OSBPL10: variants seen among roughly 807,000 people sequenced by gnomAD.
OSBPL10 encodes the protein oxysterol binding protein like 10.
In OSBPL10, 49 loss-of-function variants were observed where a neutral mutation model predicts 81.7. The ratio of observed to expected loss-of-function variants is 0.60; its 90% confidence interval spans 0.48 to 0.76. The LOEUF is 0.76. Among genes scored for constraint, OSBPL10 ranks in the 30% least tolerant of loss-of-function variants. The probability of loss-of-function intolerance (pLI) is 0.00; values close to 1 mark genes in which losing one functional copy is unlikely to be tolerated. For missense variants in OSBPL10, 923 were observed against 987.8 expected (o/e 0.93, Z 0.88); for synonymous variants, 419 against 383.6 (o/e 1.09, Z -1.08).
intron 3 of OSBPL10, among the ~76,000 whole-genome samples, chr3:31,836,453 C>A (rs1211320199): frequency 6.6e-6 from 1 of 152,172 alleles, no homozygotes. Flanking sequence ...TCATTTCCTG[C>A]AAATAGTGGG....
At chr3:31,836,976 T>C (rs538389709) in intron 3 of OSBPL10, among the ~76,000 whole-genome samples, 1 of 152,302 alleles carries the variant, frequency 6.6e-6, no homozygotes, top group African/African-American at 2.4e-5. Flanking sequence ...TTTCCTTTTA[T>C]AGATCTAAAG....
intron 10 of OSBPL10, among the ~76,000 whole-genome samples, chr3:31,666,366 A>G (rs1700190979): frequency 6.6e-6 from 1 of 152,206 alleles, no homozygotes; most frequent in South Asian, 2.1e-4. Flanking sequence ...CCTTCCAGGA[A>G]TTCTAGTTGG....
At chr3:31,869,595 A>G (rs1382406185) in intron 3 of OSBPL10, among the ~76,000 whole-genome samples, 2 of 152,198 alleles carry the variant, frequency 1.3e-5, no homozygotes, top group African/African-American at 2.4e-5. Flanking sequence ...TCTGCAATAT[A>G]TGAAAATATG....
intron 3 of OSBPL10, among the ~76,000 whole-genome samples, chr3:31,837,996 A>AT: frequency 6.6e-6 from 1 of 152,154 alleles, no homozygotes; most frequent in Non-Finnish European, 1.5e-5. Context: ...TTCCGGCAGG[A>AT]TTTTTTGAGC....
chr3:32,075,105 A>G (rs1295534956), intron 1 of OSBPL10, among the ~76,000 whole-genome samples: 1 of 151,994 alleles, frequency 6.6e-6, no homozygotes, highest in East Asian at 1.9e-4. Context: ...AGGCATTTCA[A>G]CCTCTGTCAC....
At chr3:31,905,391 C>A (rs749804546) in intron 1 of OSBPL10, among the ~76,000 whole-genome samples, 1 of 134,192 alleles carries the variant, frequency 7.5e-6, no homozygotes, top group Non-Finnish European at 1.5e-5. Flanking sequence ...GTTCTGTCAC[C>A]CAGGCTGGAG....
At chr3:31,709,114 T>TCCAG in intron 6 of OSBPL10, 1 of 859,812 alleles carries the variant, frequency 1.2e-6, no homozygotes, top group Non-Finnish European at 1.4e-6. Flanking sequence ...AGAAGCTGGA[T>TCCAG]CTTATCCTTG....
At chr3:31,859,692 A>G (rs1252130362) in intron 3 of OSBPL10, among the ~76,000 whole-genome samples, 1 of 152,214 alleles carries the variant, frequency 6.6e-6, no homozygotes, top group East Asian at 1.9e-4. Flanking sequence ...GAACATCACT[A>G]ACGTCATCAT....
chr3:31,744,253 T>G (rs1697448156), intron 5 of OSBPL10, among the ~76,000 whole-genome samples: 1 of 151,810 alleles, frequency 6.6e-6, no homozygotes, highest in African/African-American at 2.4e-5. Context: ...AGAAGGAGAG[T>G]GAGCTAGCCA....
chr3:32,046,472 T>C (rs1015184220), intron 2 of OSBPL10: 2 of 152,202 alleles, frequency 1.3e-5, no homozygotes, highest in African/African-American at 4.8e-5. Context: ...AATCCACTTA[T>C]ATAAATATAA....
chr3:31,852,870 C>T (rs1490882010), intron 3 of OSBPL10, among the ~76,000 whole-genome samples: 4 of 152,068 alleles, frequency 2.6e-5, no homozygotes, highest in African/African-American at 7.2e-5. Context: ...TGAGCCACCA[C>T]GCCTGGCTAT....
chr3:31,943,015 C>A (rs1168119679), intron 1 of OSBPL10, among the ~76,000 whole-genome samples: 1 of 152,212 alleles, frequency 6.6e-6, no homozygotes, highest in Non-Finnish European at 1.5e-5. Flanking sequence ...CCATTCCAAT[C>A]TTTCCTCAGC....
At chr3:31,670,641 T>C (rs1481211996) in intron 9 of OSBPL10, among the ~76,000 whole-genome samples, 156 bp downstream of exon 9, 1 of 152,202 alleles carries the variant, frequency 6.6e-6, no homozygotes, top group African/African-American at 2.4e-5. Flanking sequence ...AACTGCCATG[T>C]AAGGTAGGGA....
chr3:31,842,741 T>C (rs1228667274), intron 3 of OSBPL10, among the ~76,000 whole-genome samples: 2 of 152,208 alleles, frequency 1.3e-5, no homozygotes, highest in Non-Finnish European at 2.9e-5. Context: ...TAAAATCTAA[T>C]TGGATTCCTA....
rs543555245 is a variant in OSBPL10, at chr3:31,722,101, G to A, written c.1095+11156C>T. On this transcript the variant is annotated intron_variant, in intron 6 of 11. Transcript: ENST00000396556. ...ACCTCATTCTCACCAACCTAGAAAC[G>A]CAACAATTTAACTGCCACCCCCTCA... 5.9e-5 allele frequency among the ~76,000 whole-genome samples: 9 copies of A among 152,134 alleles called. No homozygotes were observed. In the South Asian group the frequency reaches 1.2e-3, roughly 21 times the overall value.
intron 7 of OSBPL10, among the ~76,000 whole-genome samples, chr3:31,686,931 C>T (rs1700806883): frequency 6.6e-6 from 1 of 152,124 alleles, no homozygotes; most frequent in Non-Finnish European, 1.5e-5. Context: ...AAATACTCAC[C>T]ACACTTCCCT....
At chr3:31,731,563 A>C (rs1696973176) in intron 6 of OSBPL10, among the ~76,000 whole-genome samples, 1 of 149,798 alleles carries the variant, frequency 6.7e-6, no homozygotes, top group Admixed American at 6.7e-5. Context: ...ATCTTGGCTC[A>C]CTGCAGCCTC....
At chr3:32,015,115 C>G (rs1351399105) in intron 2 of OSBPL10, among the ~76,000 whole-genome samples, 2 of 152,048 alleles carry the variant, frequency 1.3e-5, no homozygotes, top group Non-Finnish European at 1.5e-5. Context: ...CATATGGAAC[C>G]AAAAAAGAGC....
At chr3:32,052,812 G>A (rs1049362708) in intron 1 of OSBPL10, among the ~76,000 whole-genome samples, 1 of 152,100 alleles carries the variant, frequency 6.6e-6, no homozygotes, top group African/African-American at 2.4e-5. Flanking sequence ...AGGAGTTGGG[G>A]GCAAGGGGAG....
Sources: gnomAD v4.1 joint callset for allele counts (sites outside exome capture counted in the v4.1 genomes callset) on GRCh38, gnomAD v4.1.1 for gene constraint, MANE v1.5 for transcripts, NCBI Gene and HGNC (gene_info 2026-07-23, HGNC 2026-07-21) for gene names.